LAMA1: variants seen among roughly 807,000 people sequenced by gnomAD.
LAMA1 encodes laminin subunit alpha 1, also known as laminin subunit alpha-1.
LAMA1 carries 219 observed loss-of-function variants against 348.7 expected under a neutral mutation model. The ratio of observed to expected loss-of-function variants is 0.63; its 90% CI spans 0.56 to 0.70. LAMA1 has a LOEUF of 0.70. Among genes scored for constraint, LAMA1 ranks in the 30% least tolerant of loss-of-function variants. LAMA1 has a pLI of 0.00. For synonymous variants in LAMA1, 1,487 were observed against 1,491.0 expected (o/e 1.00, Z 0.06); for missense variants, 3,744 against 3,888.0 (o/e 0.96, Z 0.99).
At position 6,948,563 on chromosome 18, in the gene LAMA1, C is replaced by T. The variant is rs1190465913; in HGVS notation, c.8557-7G>A. 2.3e-5 allele frequency: 37 copies of T among 1,614,024 alleles called. No individual in the cohort carries two copies. Among genetic ancestry groups the T allele is most frequent in the African/African-American group, 4.0e-5 (3 of 74,916 alleles). On this transcript the variant is annotated splice_polypyrimidine_tract_variant and splice_region_variant and intron_variant, in intron 59 of 62. Transcript: ENST00000389658. ...CAGGGATGCTGTGGGTGATCTAAGCCAAATGACATGCAAGAGTAGACAGTG... is the reference window on the plus strand; with the variant it reads ...CAGGGATGCTGTGGGTGATCTAAGCTAAATGACATGCAAGAGTAGACAGTG...
intron 48 of LAMA1, among the ~76,000 whole-genome samples, chr18:6,971,563 AG>A (rs1600359809): frequency 6.6e-6 from 1 of 152,194 alleles, no homozygotes; most frequent in Non-Finnish European, 1.5e-5. Flanking sequence ...TTCTTTTTAA[AG>A]GGTTAAAAAT....
intron 1 of LAMA1, among the ~76,000 whole-genome samples, chr18:7,107,266 C>T (rs1417693436): frequency 3.3e-5 from 5 of 151,864 alleles, no homozygotes; most frequent in Non-Finnish European, 7.4e-5. Context: ...CTACAGGCAC[C>T]CGCCACCACG....
chr18:7,047,216 T>C (rs1240731496), intron 5 of LAMA1, among the ~76,000 whole-genome samples: 1 of 152,116 alleles, frequency 6.6e-6, no homozygotes, highest in African/African-American at 2.4e-5. Context: ...AGCTAATTTT[T>C]GTATTTTTAG....
At chr18:6,946,388 G>A (rs1434429019) in intron 61 of LAMA1, among the ~76,000 whole-genome samples, 2 of 152,120 alleles carry the variant, frequency 1.3e-5, no homozygotes, top group Non-Finnish European at 2.9e-5. Context: ...TGGCCATGAT[G>A]GGGTATTAAG....
intron 55 of LAMA1, chr18:6,957,089 T>G (rs1025394654): frequency 5.7e-5 from 21 of 366,482 alleles, no homozygotes; most frequent in Non-Finnish European, 1.1e-4. Flanking sequence ...CAGGGACACG[T>G]TTTTGTCTCT....
At chr18:7,103,503 T>C (rs1362385617) in intron 1 of LAMA1, among the ~76,000 whole-genome samples, 1 of 151,676 alleles carries the variant, frequency 6.6e-6, no homozygotes, top group Non-Finnish European at 1.5e-5. Flanking sequence ...TCTTCCTTGT[T>C]CCACCTTTAA....
chr18:7,049,292 A>C, intron 4 of LAMA1, 35 bp from the exon 5 acceptor site: 1 of 1,520,648 alleles, frequency 6.6e-7, no homozygotes. Flanking sequence ...ATGAATGTCA[A>C]TTGTTTATTT....
intron 1 of LAMA1, among the ~76,000 whole-genome samples, chr18:7,098,280 G>A (rs1456384840): frequency 6.6e-6 from 1 of 152,142 alleles, no homozygotes; most frequent in Non-Finnish European, 1.5e-5. Context: ...CCCCGTCTGG[G>A]AAGTGAGGAG....
At position 7,011,317 on chromosome 18, in the gene LAMA1, G is replaced by A; in HGVS notation, c.3670C>T (p.Gln1224Ter). 1 of 1,609,088 alleles carries A rather than the reference G, an allele frequency of 6.2e-7. No homozygotes were observed. Among genetic ancestry groups the A allele is most frequent in the Non-Finnish European group, 8.5e-7 (1 of 1,178,562 alleles). ...CACCTCACCTGGTCTCCTTGGAACT[G>A]CTGCGGCAGCCGCCAGTAAAACGGC... ...AEPFYWRLPQ[Q>*]FQGDQLMAYG... The change falls in exon 25 of 63, where the codon CAG (glutamine) becomes TAG (stop). Residue 1224 changes from glutamine (Q) to a stop codon, truncating the protein, a stop_gained. Transcript: ENST00000389658. LOFTEE classifies it high-confidence loss of function.
intron 16 of LAMA1, among the ~76,000 whole-genome samples, chr18:7,029,223 T>C (rs185215156): frequency 3.3e-5 from 5 of 152,254 alleles, no homozygotes; most frequent in Admixed American, 3.3e-4. Context: ...GGATCTGAGG[T>C]GGGGCCTGAG....
At chr18:7,067,554 G>C (rs972146279) in intron 3 of LAMA1, among the ~76,000 whole-genome samples, 2 of 152,164 alleles carry the variant, frequency 1.3e-5, no homozygotes, top group South Asian at 2.1e-4. Flanking sequence ...GGAAGGGGGT[G>C]GGGGAGCCTT....
At position 6,948,290 on chromosome 18, in the gene LAMA1, G is replaced by A. The variant is rs531916396; in HGVS notation, c.8710+113C>T. 1.3e-4 allele frequency: 182 copies of A among 1,384,604 alleles called. No individual in the cohort carries two copies. The African/African-American group carries it at 2.1e-3, about 16-fold the overall frequency. The allele number at this position is 1,384,604 out of a possible 1,614,324, so 85.8% of individuals were successfully genotyped here. ...AATCAACTGGAATACTAAACTCAATGTGGTTTTCCTGCAGCCTTGTCCAGT... is the reference window on the plus strand; with the variant it reads ...AATCAACTGGAATACTAAACTCAATATGGTTTTCCTGCAGCCTTGTCCAGT... On this transcript the variant is annotated intron_variant, in intron 60 of 62. Coordinates refer to ENST00000389658, the MANE Select transcript of LAMA1 (RefSeq NM_005559.4).
At chr18:7,050,363 G>C (rs1283634818) in intron 4 of LAMA1, among the ~76,000 whole-genome samples, 2 of 152,104 alleles carry the variant, frequency 1.3e-5, no homozygotes, top group African/African-American at 4.8e-5. Flanking sequence ...TGAGAAAAGG[G>C]AACTACAACT....
chr18:7,079,744 C>A (rs1453677778), intron 3 of LAMA1: 1 of 554,614 alleles, frequency 1.8e-6, no homozygotes, highest in Non-Finnish European at 3.2e-6. Flanking sequence ...CGAAGAACAT[C>A]AACCATATGG....
At chr18:6,965,205 T>A in intron 50 of LAMA1, 83 bp downstream of exon 50, 1 of 1,545,738 alleles carries the variant, frequency 6.5e-7, no homozygotes, top group Non-Finnish European at 8.9e-7. Context: ...GAAACTACTG[T>A]GGAAAAAAAG....
At chr18:7,010,005 T>G (rs1239618517) in intron 26 of LAMA1, among the ~76,000 whole-genome samples, 195 bp downstream of exon 26, 4 of 152,024 alleles carry the variant, frequency 2.6e-5, no homozygotes, top group African/African-American at 9.7e-5. Flanking sequence ...CGGGGATTCA[T>G]CATGTTGGAC....
intron 3 of LAMA1, among the ~76,000 whole-genome samples, chr18:7,078,248 C>T (rs182703258): frequency 1.3e-5 from 2 of 149,680 alleles, no homozygotes; most frequent in African/African-American, 4.9e-5. Context: ...CTCACTGCAA[C>T]CTCTGCCTCC....
intron 42 of LAMA1, among the ~76,000 whole-genome samples, chr18:6,979,977 T>C (rs1344554360): frequency 6.6e-6 from 1 of 152,164 alleles, no homozygotes; most frequent in Non-Finnish European, 1.5e-5. Flanking sequence ...TGTAGACTTA[T>C]TGCGGCCTGG....
chr18:7,048,865 G>A (rs1316014459), intron 5 of LAMA1, among the ~76,000 whole-genome samples: 1 of 152,062 alleles, frequency 6.6e-6, no homozygotes, highest in Non-Finnish European at 1.5e-5. Context: ...GGGTGGGTGA[G>A]GGACCTAAGG....
Sources: gnomAD v4.1 joint callset for allele counts (sites outside exome capture counted in the v4.1 genomes callset) on GRCh38, gnomAD v4.1.1 for gene constraint, MANE v1.5 for transcripts, NCBI Gene and HGNC (gene_info 2026-07-23, HGNC 2026-07-21) for gene names.